The following CAV2 variants were observed in gnomAD, a reference collection of about 807,000 sequenced individuals.
The protein encoded by CAV2 is caveolin-2.
A neutral mutation model predicts 15.5 loss-of-function variants in CAV2; 7 were observed. That is an observed-to-expected ratio of 0.45 (90% CI 0.26 to 0.85). The LOEUF (loss-of-function observed/expected upper bound fraction) is 0.85. Ranked by LOEUF, CAV2 falls within the 40% of genes least tolerant of loss-of-function variation. The pLI is 0.18. For missense variants in CAV2, 229 were observed against 208.8 expected (o/e 1.10, Z -0.60); for synonymous variants, 76 against 83.1 (o/e 0.91, Z 0.46).
At position 116,500,370 on chromosome 7, in the gene CAV2, C is replaced by T. The variant is rs1410874412; in HGVS notation, c.261C>T (p.Phe87=). The T allele has an allele frequency of 6.2e-7, 1 of 1,614,080 alleles. No homozygotes were observed. The highest frequency in any genetic ancestry group is 1.3e-5 in the African/African-American group (1 of 74,938). ...TCAGCAAATACGTAATGTACAAGTT[C>T]CTGACGGTGTTCCTGGCCATTCCCC... is the stretch of plus-strand genomic sequence containing the variant. ...FEISKYVMYK[F]LTVFLAIPLA... Residue 87 remains phenylalanine, a synonymous_variant, in exon 2 of 3, where the codon TTC becomes TTT. Coordinates refer to ENST00000222693, the MANE Select transcript of CAV2 (RefSeq NM_001233.5).
chr7:116,500,194 G>A, intron 1 of CAV2, 66 bp from the exon 2 acceptor site: 2 of 1,569,316 alleles, frequency 1.3e-6, no homozygotes, highest in Non-Finnish European at 8.6e-7. Flanking sequence ...CCCGCCCAAA[G>A]CGCTCCCGGT....
chr7:116,506,117 A>G lies in CAV2; in HGVS notation c.485A>G (p.Asp162Gly), dbSNP rs1793232541. The G allele has an allele frequency of 1.2e-6, 2 of 1,614,030 alleles. No individual in the cohort carries two copies. The highest frequency in any genetic ancestry group is 3.3e-5 in the Admixed American group (2 of 60,000). The change falls in exon 3 of 3, where the codon GAT becomes GGT. Residue 162 changes from aspartate to glycine, a missense_variant. Coordinates refer to ENST00000222693, the MANE Select transcript of CAV2 (RefSeq NM_001233.5). ...TCTGTCAGCCTGCAACTGAGCCAGG[A>G]TTGAATACTTGGACCCCAGGTCTGG... ...FSSVSLQLSQ[D>G]
At chr7:116,502,313 T>C (rs913424118) in intron 2 of CAV2, among the ~76,000 whole-genome samples, 2 of 152,174 alleles carry the variant, frequency 1.3e-5, no homozygotes, top group Non-Finnish European at 2.9e-5. Flanking sequence ...TCAATGCACC[T>C]TTTTTTAGCC....
chr7:116,504,864 C>T (rs1017140252), intron 2 of CAV2, among the ~76,000 whole-genome samples: 1 of 152,154 alleles, frequency 6.6e-6, no homozygotes, highest in African/African-American at 2.4e-5. Context: ...AAAGTTCTAA[C>T]ATCATTTGCA....
At position 116,499,827 on chromosome 7, in the gene CAV2, G is replaced by T. The variant is rs577332282; in HGVS notation, c.46G>T (p.Asp16Tyr). The T allele has an allele frequency of 1.9e-6, 3 of 1,603,324 alleles. No homozygotes were observed. The Admixed American group carries it at 5.1e-5, about 27-fold the overall frequency. Reference protein sequence around the residue: ...EKADVQLFMDDDSYSHHSGLE... With the variant: ...EKADVQLFMDYDSYSHHSGLE... ...GGCGGACGTACAGCTCTTCATGGAC[G>T]ACGACTCCTACAGCCACCACAGCGG... is the stretch of plus-strand genomic sequence containing the variant. The change falls in exon 1 of 3, where the codon GAC (aspartate) becomes TAC (tyrosine). Residue 16 changes from aspartate (D) to tyrosine (Y), a missense_variant. Transcript: ENST00000222693.
At chr7:116,502,884 A>G (rs895507192) in intron 2 of CAV2, among the ~76,000 whole-genome samples, 2 of 152,198 alleles carry the variant, frequency 1.3e-5, no homozygotes, top group African/African-American at 2.4e-5. Context: ...TGTTAAGCAC[A>G]GGTTATTGGT....
intron 2 of CAV2, among the ~76,000 whole-genome samples, chr7:116,505,105 A>G (rs1158014144): frequency 6.6e-6 from 1 of 152,196 alleles, no homozygotes; most frequent in Non-Finnish European, 1.5e-5. Context: ...ATACATGTGA[A>G]AATTAAGAAG....
In CAV2 at chr7:116,508,491, T is replaced by C. The variant is rs985512604; in HGVS notation, c.*2370T>C. The C allele has an allele frequency of 6.6e-6, 1 of 152,062 alleles. No individual in the cohort carries two copies. 9.4% of individuals were successfully genotyped at this position (152,062 alleles called of 1,614,324 possible). A position where few individuals can be genotyped will look rare whatever the true frequency, so the allele number is the denominator to read the frequency against. Reference sequence around the variant, plus strand: ...TTGTTTTATTTGGGGCTGGGGGAGGTATATGATGAGCAGACTTCTCGGAAT... The same window carrying C: ...TTGTTTTATTTGGGGCTGGGGGAGGCATATGATGAGCAGACTTCTCGGAAT... On this transcript the variant is annotated 3_prime_UTR_variant, in exon 3 of 3. Transcript: ENST00000222693.
intron 1 of CAV2, 51 bp downstream of exon 1, chr7:116,499,982 G>C: frequency 6.3e-7 from 1 of 1,589,774 alleles, no homozygotes; most frequent in Non-Finnish European, 8.5e-7. Flanking sequence ...CGGGAGGTGC[G>C]GGCGCCCCTC....
At chr7:116,502,661 G>C (rs1030773175) in intron 2 of CAV2, among the ~76,000 whole-genome samples, 1 of 152,032 alleles carries the variant, frequency 6.6e-6, no homozygotes, top group African/African-American at 2.4e-5. Context: ...AAAAGTTAGT[G>C]GTGACCAAAG....
In CAV2 at chr7:116,503,815, G is replaced by C. The variant is rs544617616; in HGVS notation, c.339-2156G>C. 2.7e-5 allele frequency among the ~76,000 whole-genome samples: 4 copies of C among 149,848 alleles called. No individual in the cohort carries two copies. The East Asian group carries it at 7.9e-4, about 30-fold the overall frequency. ...ACTGCTCTCCAGCCTGGGCAATAGA[G>C]TGAGAACCTGAAAAGAAAGAAGGAA... On this transcript the variant is annotated intron_variant, in intron 2 of 2. Coordinates refer to ENST00000222693, the MANE Select transcript of CAV2 (RefSeq NM_001233.5).
rs538710503 is a variant in CAV2, at chr7:116,507,013, T to C, written c.*892T>C. On this transcript the variant is annotated 3_prime_UTR_variant, in exon 3 of 3. Transcript: ENST00000222693. ...CATTTTTCTGGCTGTGATCTTAAAA[T>C]AATTCATATCTAAATAGTATTTTGT... The C allele has an allele frequency of 6.5e-6, 1 of 152,734 alleles. No individual in the cohort carries two copies. The highest frequency in any genetic ancestry group is 2.1e-4 in the South Asian group (1 of 4,832). The allele number at this position is 152,734 out of a possible 1,614,324, so 9.5% of individuals were successfully genotyped here.
intron 2 of CAV2, chr7:116,500,671 T>A (rs1244086110): frequency 7.4e-6 from 4 of 538,008 alleles, no homozygotes; most frequent in Non-Finnish European, 9.9e-6. Flanking sequence ...CGGTCTTTCC[T>A]GGGGTGTGAT....
rs1431249772 is a variant in CAV2, at chr7:116,500,280, C to A, written c.171C>A (p.Ile57=). 2.5e-6 allele frequency: 4 copies of A among 1,613,986 alleles called. No homozygotes were observed. The highest frequency in any genetic ancestry group is 1.7e-5 in the Admixed American group (1 of 60,024). ...CTCAGCTGGGCTTCGAGGATGTGAT[C>A]GCAGAGCCGGTGACTACGCACTCCT... ...SHLKLGFEDV[I]AEPVTTHSFD... The change falls in exon 2 of 3, where the codon ATC becomes ATA. Residue 57 remains isoleucine, a synonymous_variant. Transcript: ENST00000222693.
chr7:116,505,485 A>G (rs1250177913), intron 2 of CAV2, among the ~76,000 whole-genome samples: 1 of 152,200 alleles, frequency 6.6e-6, no homozygotes, highest in Non-Finnish European at 1.5e-5. Context: ...TTTTGCTCAC[A>G]GTTCTGCGGG....
chr7:116,500,277 G>A lies in CAV2; in HGVS notation c.168G>A (p.Val56=). 4 of 1,614,068 alleles carry A rather than the reference G, an allele frequency of 2.5e-6. No individual in the cohort carries two copies. Among genetic ancestry groups the A allele is most frequent in the Non-Finnish European group, 3.4e-6 (4 of 1,179,954 alleles). ...CTCCTCAGCTGGGCTTCGAGGATGT[G>A]ATCGCAGAGCCGGTGACTACGCACT... ...NSHLKLGFED[V]IAEPVTTHSF... The change falls in exon 2 of 3, where the codon GTG becomes GTA. Residue 56 remains valine (V), a synonymous_variant. Transcript: ENST00000222693.
At chr7:116,502,606 T>TTA (rs1016378827) in intron 2 of CAV2, among the ~76,000 whole-genome samples, 48 of 152,342 alleles carry the variant, frequency 3.2e-4, no homozygotes, top group African/African-American at 1.1e-3. Flanking sequence ...TGTTTTCTTT[T>TTA]TATATATATT....
rs566140613 is a variant in CAV2, at chr7:116,506,081, G to A, written c.449G>A (p.Arg150Gln). The A allele has an allele frequency of 2.2e-5, 36 of 1,613,994 alleles. 1 individual carries two copies. The highest frequency in any genetic ancestry group is 4.0e-5 in the African/African-American group (3 of 75,034). The change falls in exon 3 of 3, where the codon CGA becomes CAA. Residue 150 changes from arginine (R) to glutamine (Q), a missense_variant. By Grantham distance (43) the Arg-to-Gln change is conservative. Coordinates refer to ENST00000222693, the MANE Select transcript of CAV2 (RefSeq NM_001233.5). Reference protein sequence around the residue: ...IIAPLCTSVGRCFSSVSLQLS... With the variant: ...IIAPLCTSVGQCFSSVSLQLS... Reference sequence around the variant, plus strand: ...GCTCCATTGTGTACGAGCGTAGGACGATGCTTCTCTTCTGTCAGCCTGCAA... The same window carrying A: ...GCTCCATTGTGTACGAGCGTAGGACAATGCTTCTCTTCTGTCAGCCTGCAA...
In CAV2 at chr7:116,499,911, C is replaced by G. The variant is rs754193805; in HGVS notation, c.130C>G (p.Arg44Gly). ...CTCGGACCAGGACCGGGATCCCCAC[C>G]GGCTCAACTCGCATCTCAAGGTGAA... ...ADSDQDRDPH[R>G]LNSHLKLGFE... The change falls in exon 1 of 3, where the codon CGG (arginine) becomes GGG (glycine). Residue 44 changes from arginine to glycine, a missense_variant. Physicochemically the swap from Arg to Gly is moderately radical, Grantham distance 125 (BLOSUM62 -2). Coordinates refer to ENST00000222693, the MANE Select transcript of CAV2 (RefSeq NM_001233.5). The G allele has an allele frequency of 2.9e-5, 47 of 1,611,680 alleles. 1 individual carries two copies. The South Asian group carries it at 4.8e-4, about 17-fold the overall frequency.
Sources: allele counts gnomAD v4.1 joint callset (sites outside exome capture counted in the v4.1 genomes callset), GRCh38; gene constraint gnomAD v4.1.1; transcripts MANE v1.5; gene names NCBI Gene and HGNC (gene_info 2026-07-23, HGNC 2026-07-21).